The following PRKN variants were observed in gnomAD, a reference collection of about 807,000 sequenced individuals.
PRKN encodes E3 ubiquitin-protein ligase parkin.
Under a neutral mutation model 59.5 loss-of-function variants are expected in PRKN, and 56 were observed. The observed-to-expected ratio is 0.94, with a 90% CI of 0.76 to 1.18. The LOEUF (loss-of-function observed/expected upper bound fraction) is 1.18. Among genes scored for constraint, PRKN ranks in the 50% most tolerant of loss-of-function variants. The pLI is 0.00. For missense variants in PRKN, 657 were observed against 596.4 expected (o/e 1.10, Z -1.06); for synonymous variants, 250 against 222.1 (o/e 1.13, Z -1.12).
At chr6:162,577,534 G>A (rs55660305) in intron 1 of PRKN, among the ~76,000 whole-genome samples, 3 of 151,838 alleles carry the variant, frequency 2.0e-5, no homozygotes, top group Non-Finnish European at 2.9e-5. Flanking sequence ...CGGGAGGCGG[G>A]GGGTGCAGTA....
At chr6:162,053,520 G>C (rs565772233) in intron 5 of PRKN, among the ~76,000 whole-genome samples, 1 of 152,096 alleles carries the variant, frequency 6.6e-6, no homozygotes, top group African/African-American at 2.4e-5. Flanking sequence ...AAATATCTGC[G>C]GTCTATGAAA....
At position 162,219,889 on chromosome 6, in the gene PRKN, T is replaced by A. The variant is rs201519974; in HGVS notation, c.413-18637A>T. ...GTTGCTCCCTTGTATACATAAAGGATTGGCTCCAAGACCTCCTATGGACAG... is the reference window on the plus strand; with the variant it reads ...GTTGCTCCCTTGTATACATAAAGGAATGGCTCCAAGACCTCCTATGGACAG... On this transcript the variant is annotated intron_variant, in intron 3 of 11. Transcript: ENST00000366898. 5.9e-5 allele frequency among the ~76,000 whole-genome samples: 9 copies of A among 152,168 alleles called. No homozygotes were observed. The South Asian group carries it at 1.7e-3, about 28-fold the overall frequency.
intron 4 of PRKN, among the ~76,000 whole-genome samples, chr6:162,111,792 G>A (rs1780451560): frequency 6.6e-6 from 1 of 152,094 alleles, no homozygotes; most frequent in African/African-American, 2.4e-5. Flanking sequence ...TCGTTTTTCA[G>A]TATGCCAAGC....
intron 6 of PRKN, among the ~76,000 whole-genome samples, chr6:161,879,585 A>G (rs961700922): frequency 5.3e-5 from 8 of 152,058 alleles, no homozygotes; most frequent in African/African-American, 1.9e-4. Flanking sequence ...TGACCTCATG[A>G]TCTGCCCACC....
At chr6:161,600,501 G>C (rs1277375550) in intron 7 of PRKN, among the ~76,000 whole-genome samples, 2 of 152,122 alleles carry the variant, frequency 1.3e-5, no homozygotes, top group Non-Finnish European at 2.9e-5. Flanking sequence ...TTTGGGCCCA[G>C]TTTCTACCCT....
At chr6:162,138,616 A>G (rs999357502) in intron 4 of PRKN, among the ~76,000 whole-genome samples, 2 of 152,202 alleles carry the variant, frequency 1.3e-5, no homozygotes, top group Admixed American at 6.5e-5. Context: ...AGTCAAGAAT[A>G]TTTAGCTACT....
At chr6:162,637,217 G>A (rs370575731) in intron 1 of PRKN, among the ~76,000 whole-genome samples, 45 of 151,584 alleles carry the variant, frequency 3.0e-4, no homozygotes, top group African/African-American at 9.9e-4. Flanking sequence ...AGATCACGCC[G>A]CTGCACTCCA....
chr6:162,607,781 G>A (rs1055799762), intron 1 of PRKN, among the ~76,000 whole-genome samples: 1 of 152,134 alleles, frequency 6.6e-6, no homozygotes, highest in Admixed American at 6.5e-5. Context: ...AGATGAGGGA[G>A]TTTCCATATG....
chr6:161,870,848 T>G (rs2128226592), intron 6 of PRKN, among the ~76,000 whole-genome samples: 1 of 152,236 alleles, frequency 6.6e-6, no homozygotes, highest in South Asian at 2.1e-4. Context: ...TGAAGAATGT[T>G]TTTAGAGGTA....
rs148563085 is a variant in PRKN, at chr6:162,001,398, A to G, written c.619-27981T>C. Among the ~76,000 whole-genome samples the G allele has an allele frequency of 5.4e-3, 821 of 152,170 alleles. 4 individuals carry two copies. Among genetic ancestry groups the G allele is most frequent in the Admixed American group, 0.013 (193 of 15,244 alleles). On this transcript the variant is annotated intron_variant, in intron 5 of 11. Coordinates refer to ENST00000366898, the MANE Select transcript of PRKN (RefSeq NM_004562.3). ...TATTTCATTTTTAGAGGAGCTAATA[A>G]TATTTTTAGAGGAGCTAATATGTTA...
At chr6:161,746,573 A>G (rs965080965) in intron 7 of PRKN, among the ~76,000 whole-genome samples, 2 of 143,744 alleles carry the variant, frequency 1.4e-5, no homozygotes, top group South Asian at 4.3e-4. Context: ...ATATATATTT[A>G]TATATATATA....
At chr6:161,366,997 T>C (rs1582977397) in intron 10 of PRKN, among the ~76,000 whole-genome samples, 2 of 137,216 alleles carry the variant, frequency 1.5e-5, no homozygotes, top group African/African-American at 5.5e-5. Context: ...TTTTTTTTTT[T>C]TTTTTTTTTT....
At chr6:162,170,252 A>G (rs532610861) in intron 4 of PRKN, among the ~76,000 whole-genome samples, 181 of 152,318 alleles carry the variant, frequency 1.2e-3, no homozygotes, top group Admixed American at 3.7e-3. Context: ...AAGATTGTGG[A>G]AAATGTGAGA....
rs1183792527 is a variant in PRKN, at chr6:161,348,676, G to A, written c.*1423C>T. 3 of 210,146 alleles carry A rather than the reference G, an allele frequency of 1.4e-5. No homozygotes were observed. The highest frequency in any genetic ancestry group is 2.9e-5 in the Non-Finnish European group (3 of 103,548). 13.0% of individuals were successfully genotyped at this position (210,146 alleles called of 1,614,324 possible). A position where few individuals can be genotyped will look rare whatever the true frequency, so the allele number is the denominator to read the frequency against. On this transcript the variant is annotated 3_prime_UTR_variant, in exon 12 of 12. Transcript: ENST00000366898. The surrounding 1 kb of genome is among the most constrained non-coding windows in gnomAD (Gnocchi z 4.9). The stretch of plus-strand genomic sequence containing the variant: ...ATCTAAAAAGAGAAGCCCTGTTGCC[G>A]ATTTAATAATTTACAGTCTCTAAAT...
chr6:161,496,657 A>T (rs1459398283), intron 9 of PRKN, among the ~76,000 whole-genome samples: 2 of 152,192 alleles, frequency 1.3e-5, no homozygotes, highest in Non-Finnish European at 2.9e-5. Context: ...CCAGCCCTTG[A>T]TCTGTGGGGA....
intron 1 of PRKN, among the ~76,000 whole-genome samples, chr6:162,542,493 T>A (rs6907055): frequency 6.6e-6 from 1 of 152,184 alleles, no homozygotes. Flanking sequence ...ATGTTTTACA[T>A]ACGGCATTTC....
intron 6 of PRKN, among the ~76,000 whole-genome samples, chr6:161,823,209 T>C (rs1792107449): frequency 6.6e-6 from 1 of 152,072 alleles, no homozygotes; most frequent in East Asian, 1.9e-4. Context: ...AGTATTGGGA[T>C]TGCAGGTGTG....
In PRKN at chr6:161,488,349, A is replaced by G. The variant is rs1168207145; in HGVS notation, c.1083+60505T>C. Among the ~76,000 whole-genome samples, 1 of 152,230 alleles carries G rather than the reference A, an allele frequency of 6.6e-6. No individual in the cohort carries two copies. The highest frequency in any genetic ancestry group is 1.5e-5 in the Non-Finnish European group (1 of 68,032). On this transcript the variant is annotated intron_variant, in intron 9 of 11. Transcript: ENST00000366898. This position sits in a 1 kb window ranked among gnomAD's most constrained non-coding sequence, Gnocchi z 4.5. ...AAGGCCAGGTCACATAGGTCTTTGT[A>G]GTGTGAGAAGAACTCCAAATTTTAT...
At chr6:161,803,868 G>C (rs939941053) in intron 6 of PRKN, among the ~76,000 whole-genome samples, 2 of 152,160 alleles carry the variant, frequency 1.3e-5, no homozygotes, top group Admixed American at 1.3e-4. Context: ...CCTCAAGTCC[G>C]AACCCCCACC....
Sources: allele counts gnomAD v4.1 joint callset (sites outside exome capture counted in the v4.1 genomes callset), GRCh38; gene constraint gnomAD v4.1.1; non-coding constraint Gnocchi (gnomAD v3.1); transcripts MANE v1.5; gene names NCBI Gene and HGNC (gene_info 2026-07-23, HGNC 2026-07-21).